PDE1A: variants seen among roughly 807,000 people sequenced by gnomAD.
The protein encoded by PDE1A is phosphodiesterase 1A.
A neutral mutation model predicts 61.7 loss-of-function variants in PDE1A; 35 were observed. The ratio of observed to expected loss-of-function variants is 0.57; its 90% CI spans 0.43 to 0.75. The LOEUF (loss-of-function observed/expected upper bound fraction) is 0.75. PDE1A is among the 30% of genes least tolerant of loss of function. The pLI, the probability that PDE1A is intolerant of heterozygous loss-of-function variation, is 0.00. For missense variants in PDE1A, 597 were observed against 630.6 expected, an observed-to-expected ratio of 0.95 and a Z score of 0.57; for synonymous variants, 232 against 213.2, an observed-to-expected ratio of 1.09 and a Z score of -0.77.
intron 6 of PDE1A, among the ~76,000 whole-genome samples, chr2:182,229,489 C>T (rs1369863000): frequency 6.6e-6 from 1 of 152,052 alleles, no homozygotes; most frequent in African/African-American, 2.4e-5. Context: ...ATCACTGAAT[C>T]GTTTAGTCAC....
intron 2 of PDE1A, among the ~76,000 whole-genome samples, chr2:182,447,836 G>A (rs1037020504): frequency 2.0e-5 from 3 of 152,042 alleles, no homozygotes; most frequent in African/African-American, 7.2e-5. Context: ...AATATCAAAT[G>A]TCTCCCTTTG....
chr2:182,161,557 G>A (rs994593041), intron 13 of PDE1A, among the ~76,000 whole-genome samples: 1 of 152,040 alleles, frequency 6.6e-6, no homozygotes, highest in Admixed American at 6.6e-5. Context: ...AAAGAGTAAT[G>A]GTCTCCCCTG....
chr2:182,517,633 G>A (rs1690292783), intron 2 of PDE1A, among the ~76,000 whole-genome samples: 2 of 152,288 alleles, frequency 1.3e-5, no homozygotes, highest in South Asian at 4.1e-4. Flanking sequence ...TTATTTATGA[G>A]CTGAAAATAA....
In PDE1A at chr2:182,335,348, G is replaced by A. The variant is rs60571863; in HGVS notation, c.54-70934C>T. Among the ~76,000 whole-genome samples, 1,323 of 152,158 alleles carry A rather than the reference G, an allele frequency of 8.7e-3. 22 individuals carry two copies. The highest frequency in any genetic ancestry group is 0.069 in the South Asian group (333 of 4,822). On this transcript the variant is annotated intron_variant, in intron 1 of 13. Transcript: ENST00000351439. ...AAAAGAACAAAGCTGGAGGCATCAC[G>A]CTACCTGACTTCAAACTATACTACA...
chr2:182,281,970 T>C (rs1240924315), intron 1 of PDE1A, among the ~76,000 whole-genome samples: 5 of 151,934 alleles, frequency 3.3e-5, no homozygotes, highest in African/African-American at 9.7e-5. Context: ...ATGTTTATTA[T>C]TGATCACCCA....
the PDE1A span, among the ~76,000 whole-genome samples, chr2:182,663,348 G>C: frequency 6.6e-6 from 1 of 152,090 alleles, no homozygotes; most frequent in Non-Finnish European, 1.5e-5. Context: ...AATATAAATA[G>C]TTCTATCATA....
the PDE1A span, among the ~76,000 whole-genome samples, chr2:182,653,465 C>G: frequency 2.0e-5 from 3 of 152,160 alleles, no homozygotes; most frequent in Non-Finnish European, 4.4e-5. Context: ...CATACACTTG[C>G]TTACTCACCT....
chr2:182,268,192 C>T (rs1323016801), intron 1 of PDE1A, among the ~76,000 whole-genome samples: 1 of 151,884 alleles, frequency 6.6e-6, no homozygotes, highest in Non-Finnish European at 1.5e-5. Flanking sequence ...CAGTTTCTGA[C>T]CCAGAAAATT....
At chr2:182,467,723 G>A (rs1686765307) in intron 2 of PDE1A, among the ~76,000 whole-genome samples, 1 of 151,882 alleles carries the variant, frequency 6.6e-6, no homozygotes, top group South Asian at 2.1e-4. Flanking sequence ...TTTGTCCTAG[G>A]AATGTAAGAT....
intron 2 of PDE1A, among the ~76,000 whole-genome samples, chr2:182,453,419 T>G (rs1175408217): frequency 6.6e-6 from 1 of 151,902 alleles, no homozygotes; most frequent in Non-Finnish European, 1.5e-5. Context: ...CCAAAAGAAT[T>G]GTGAACTTCT....
chr2:182,689,393 T>C, the PDE1A span, among the ~76,000 whole-genome samples: 1 of 152,134 alleles, frequency 6.6e-6, no homozygotes, highest in Non-Finnish European at 1.5e-5. Context: ...ACCGCTCAAC[T>C]ACATGGAAAC....
the PDE1A span, among the ~76,000 whole-genome samples, chr2:182,626,792 C>CATATATATACGTAT: frequency 1.1e-4 from 1 of 8,972 alleles, no homozygotes; most frequent in Non-Finnish European, 2.0e-4. Context: ...CATATATATA[C>CATATATATACGTAT]ATATATATAC....
intron 2 of PDE1A, among the ~76,000 whole-genome samples, chr2:182,486,155 A>G (rs75761170): frequency 0.025 from 3,816 of 152,190 alleles, 185 homozygotes; most frequent in East Asian, 0.21. Context: ...ATGTATTTCT[A>G]TATAATAGCA....
At chr2:182,695,530 G>A in the PDE1A span, among the ~76,000 whole-genome samples, 3 of 151,854 alleles carry the variant, frequency 2.0e-5, no homozygotes, top group African/African-American at 2.4e-5. Flanking sequence ...AGCTGGGCGC[G>A]GTGGCTGGCG....
intron 1 of PDE1A, among the ~76,000 whole-genome samples, chr2:182,417,200 C>A (rs972365062): frequency 2.6e-5 from 4 of 152,216 alleles, no homozygotes; most frequent in African/African-American, 9.6e-5. Context: ...GATTCCCACG[C>A]CTTAGCTGAT....
chr2:182,568,332 A>G, the PDE1A span, among the ~76,000 whole-genome samples: 1 of 152,224 alleles, frequency 6.6e-6, no homozygotes, highest in African/African-American at 2.4e-5. Context: ...TTTGAACACC[A>G]AAATTATTTT....
chr2:182,333,471 T>G (rs560796495), intron 1 of PDE1A, among the ~76,000 whole-genome samples: 1 of 152,294 alleles, frequency 6.6e-6, no homozygotes, highest in Non-Finnish European at 1.5e-5. Context: ...AACCTACTCC[T>G]GAATGACTAT....
At chr2:182,688,596 A>G in the PDE1A span, among the ~76,000 whole-genome samples, 134 of 152,302 alleles carry the variant, frequency 8.8e-4, no homozygotes, top group African/African-American at 3.0e-3. Flanking sequence ...AAAGACCATC[A>G]AGGCTAGGAA....
At position 182,227,739 on chromosome 2, in the gene PDE1A, G is replaced by A. The variant is rs777106562; in HGVS notation, c.675+2267C>T. ...AGTGGTGGGGCATGGTTTTAAACTC[G>A]TGTCTGACTGCTTCCTGAGTCCATG... On this transcript the variant is annotated intron_variant, in intron 6 of 13. Coordinates refer to ENST00000351439, the Ensembl canonical transcript of PDE1A. 5.9e-4 allele frequency among the ~76,000 whole-genome samples: 90 copies of A among 152,024 alleles called. 2 individuals are homozygous for A. Among genetic ancestry groups the A allele is most frequent in the Non-Finnish European group, 1.8e-4 (12 of 67,978 alleles).
Sources: gnomAD v4.1 joint callset for allele counts (sites outside exome capture counted in the v4.1 genomes callset) on GRCh38, gnomAD v4.1.1 for gene constraint, MANE v1.5 for transcripts, NCBI Gene and HGNC (gene_info 2026-07-23, HGNC 2026-07-21) for gene names.